The following PCDHA6 variants were observed in gnomAD, a reference collection of about 807,000 sequenced individuals.
PCDHA6 encodes the protein protocadherin alpha-6.
A neutral mutation model predicts 60.3 loss-of-function variants in PCDHA6; 55 were observed. That is an observed-to-expected ratio of 0.91 (90% confidence interval 0.73 to 1.14). The LOEUF is 1.14. Among genes scored for constraint, PCDHA6 ranks in the 50% most tolerant of loss-of-function variants. The pLI, the probability that PCDHA6 is intolerant of heterozygous loss-of-function variation, is 0.00. For missense variants in PCDHA6, 1,327 were observed against 1,256.5 expected, an observed-to-expected ratio of 1.06 and a Z score of -0.85; for synonymous variants, 652 against 557.9, an observed-to-expected ratio of 1.17 and a Z score of -2.38.
intron 1 of PCDHA6, among the ~76,000 whole-genome samples, chr5:140,918,402 T>C (rs906018367): frequency 1.3e-5 from 2 of 152,212 alleles, no homozygotes; most frequent in African/African-American, 4.8e-5. Flanking sequence ...GCCTGATTTC[T>C]CTGGCCAGGA....
At chr5:140,884,016 G>T (rs143828814) in intron 1 of PCDHA6, 1 of 1,613,208 alleles carries the variant, frequency 6.2e-7, no homozygotes, top group Non-Finnish European at 8.5e-7. Flanking sequence ...CTGATGCCGC[G>T]GTCGGTGGGT....
chr5:140,931,759 T>C (rs2087738384), intron 1 of PCDHA6, among the ~76,000 whole-genome samples: 2 of 151,994 alleles, frequency 1.3e-5, no homozygotes, highest in African/African-American at 4.8e-5. Flanking sequence ...GCATTTGTTA[T>C]TTACTTCTTC....
chr5:141,003,540 T>A (rs2098129225), intron 3 of PCDHA6, among the ~76,000 whole-genome samples: 1 of 152,188 alleles, frequency 6.6e-6, no homozygotes, highest in Non-Finnish European at 1.5e-5. Flanking sequence ...CTTGAACTCC[T>A]GGCTTCAAGT....
intron 1 of PCDHA6, among the ~76,000 whole-genome samples, chr5:140,959,969 C>T (rs1203367528): frequency 6.6e-6 from 1 of 152,104 alleles, no homozygotes; most frequent in African/African-American, 2.4e-5. Context: ...GTAGATGTTA[C>T]TGAAAGAAGA....
chr5:140,842,533 C>T, intron 1 of PCDHA6: 2 of 1,613,062 alleles, frequency 1.2e-6, no homozygotes, highest in Non-Finnish European at 1.7e-6. Context: ...TCAAGAATTA[C>T]TACTCGTTGG....
intron 1 of PCDHA6, among the ~76,000 whole-genome samples, chr5:140,921,791 A>G (rs1170709759): frequency 3.9e-5 from 6 of 152,160 alleles, no homozygotes; most frequent in Non-Finnish European, 5.9e-5. Context: ...GATGTTCTAG[A>G]TAACACAAGA....
At chr5:140,872,580 T>C (rs1554166256) in intron 1 of PCDHA6, among the ~76,000 whole-genome samples, 1 of 152,172 alleles carries the variant, frequency 6.6e-6, no homozygotes, top group Middle Eastern at 3.2e-3. Flanking sequence ...TGACCTATCA[T>C]CGTGAGACCC....
intron 1 of PCDHA6, among the ~76,000 whole-genome samples, chr5:140,973,010 T>C (rs2096567986): frequency 6.6e-6 from 1 of 152,080 alleles, no homozygotes; most frequent in Admixed American, 6.6e-5. Context: ...GGTCGTGGTG[T>C]TGTGATTGTT....
chr5:140,908,730 C>G (rs1367655223), intron 1 of PCDHA6, among the ~76,000 whole-genome samples: 4 of 152,124 alleles, frequency 2.6e-5, no homozygotes, highest in Non-Finnish European at 4.4e-5. Context: ...TCATATGGCT[C>G]GAGAAACAGA....
intron 1 of PCDHA6, chr5:140,883,569 C>A (rs781786717): frequency 1.9e-6 from 3 of 1,614,134 alleles, no homozygotes; most frequent in South Asian, 2.2e-5. Flanking sequence ...GGCTCGCCTT[C>A]GCTGTGGGCC....
intron 1 of PCDHA6, among the ~76,000 whole-genome samples, chr5:140,890,901 T>C (rs1583031993): frequency 6.6e-6 from 1 of 152,194 alleles, no homozygotes; most frequent in Admixed American, 6.5e-5. Flanking sequence ...TGTCTTTCCA[T>C]GTTAGAATAA....
At chr5:140,843,268 C>A in intron 1 of PCDHA6, 1 of 1,596,100 alleles carries the variant, frequency 6.3e-7, no homozygotes, top group Non-Finnish European at 8.6e-7. Flanking sequence ...GTCTGCTGGT[C>A]CTGGTGAAGG....
chr5:140,966,488 C>G (rs1161799910), intron 1 of PCDHA6: 7 of 440,132 alleles, frequency 1.6e-5, no homozygotes, highest in East Asian at 1.1e-4. Context: ...TTTCCCTCCC[C>G]CTGGAGCTGT....
chr5:140,877,663 C>T (rs1554169960), intron 1 of PCDHA6: 22 of 1,613,432 alleles, frequency 1.4e-5, no homozygotes, highest in Admixed American at 1.7e-5. Context: ...CACCGTGAGC[C>T]GGTGCGCGCC....
intron 1 of PCDHA6, among the ~76,000 whole-genome samples, chr5:140,974,827 G>A (rs1356890991): frequency 6.6e-6 from 1 of 152,182 alleles, no homozygotes; most frequent in Admixed American, 6.5e-5. Flanking sequence ...GCAACATAAT[G>A]ATTATTTTAA....
chr5:140,857,262 CAT>C, intron 1 of PCDHA6: 1 of 1,598,710 alleles, frequency 6.3e-7, no homozygotes, highest in Non-Finnish European at 8.6e-7. Flanking sequence ...AATTACTACT[CAT>C]TGGTGCTGGA....
chr5:140,871,015 G>T (rs1554164977), intron 1 of PCDHA6: 4 of 1,613,124 alleles, frequency 2.5e-6, no homozygotes, highest in East Asian at 4.5e-5. Flanking sequence ...TGCCCTGGAC[G>T]AGGCAGACTC....
intron 1 of PCDHA6, among the ~76,000 whole-genome samples, chr5:140,919,974 TAG>T (rs2153555647): frequency 7.5e-6 from 1 of 134,116 alleles, no homozygotes; most frequent in African/African-American, 2.6e-5. Context: ...AAATAAGAGA[TAG>T]AAGATGGAAA....
chr5:140,932,222 A>T (rs2088129167), intron 1 of PCDHA6, among the ~76,000 whole-genome samples: 1 of 151,870 alleles, frequency 6.6e-6, no homozygotes, highest in African/African-American at 2.4e-5. Flanking sequence ...GGCAATTTAA[A>T]TTTTTTAGAA....
Sources: allele counts gnomAD v4.1 joint callset (sites outside exome capture counted in the v4.1 genomes callset), GRCh38; gene constraint gnomAD v4.1.1; transcripts MANE v1.5; gene names NCBI Gene and HGNC (gene_info 2026-07-23, HGNC 2026-07-21).